The following MTMR2 variants were observed in gnomAD, a reference collection of about 807,000 sequenced individuals.
MTMR2 encodes the protein phosphatidylinositol-3,5-bisphosphate 3-phosphatase MTMR2.
In MTMR2, 55 loss-of-function variants were observed where a neutral mutation model predicts 86.9. That is an observed-to-expected ratio of 0.63 (90% CI 0.51 to 0.79). MTMR2 has a LOEUF of 0.79. Among genes scored for constraint, MTMR2 ranks in the 30% least tolerant of loss-of-function variants. The probability of loss-of-function intolerance (pLI) is 0.00; values close to 1 mark genes in which losing one functional copy is unlikely to be tolerated. For synonymous variants in MTMR2, 241 were observed against 266.8 expected, an observed-to-expected ratio of 0.90 and a Z score of 0.94; for missense variants, 659 against 772.3, an observed-to-expected ratio of 0.85 and a Z score of 1.74.
chr11:95,910,892 A>T (rs1283826712), intron 1 of MTMR2, among the ~76,000 whole-genome samples: 3 of 152,120 alleles, frequency 2.0e-5, no homozygotes, highest in East Asian at 1.9e-4. Flanking sequence ...TAAAAAAAAT[A>T]ATAAAAGGCC....
intron 1 of MTMR2, among the ~76,000 whole-genome samples, chr11:95,913,490 T>C (rs936536661): frequency 2.0e-5 from 3 of 152,176 alleles, no homozygotes; most frequent in African/African-American, 7.2e-5. Context: ...TGCCGATTCC[T>C]AACGTCACCT....
rs540837665 is a variant in MTMR2 at position 95,922,465 on chromosome 11, C to G, written c.80+1410G>C. 3.8e-4 allele frequency among the ~76,000 whole-genome samples: 58 copies of G among 151,660 alleles called. 2 individuals carry two copies. The South Asian group carries it at 0.012, about 30-fold the overall frequency. Reference sequence around the variant, plus strand: ...TTTCCAAATTTCAAAGCAATAAATACAGAATTCAAAAAATACTTGATTCAA... The same window carrying G: ...TTTCCAAATTTCAAAGCAATAAATAGAGAATTCAAAAAATACTTGATTCAA... On this transcript the variant is annotated intron_variant, in intron 1 of 14. Transcript: ENST00000346299.
chr11:95,900,532 T>C (rs575176938), intron 1 of MTMR2, among the ~76,000 whole-genome samples: 3 of 152,330 alleles, frequency 2.0e-5, no homozygotes, highest in Admixed American at 6.5e-5. Context: ...ATGAAAAAGT[T>C]AAGGTATGGA....
chr11:95,873,432 T>C (rs12281081), intron 2 of MTMR2, among the ~76,000 whole-genome samples: 305 of 152,338 alleles, frequency 2.0e-3, no homozygotes, highest in African/African-American at 7.1e-3. Flanking sequence ...TAGTTTGTAT[T>C]TCTGTGGGAT....
At chr11:95,853,543 C>T (rs1864100624) in intron 7 of MTMR2, among the ~76,000 whole-genome samples, 1 of 152,168 alleles carries the variant, frequency 6.6e-6, no homozygotes, top group South Asian at 2.1e-4. Context: ...CTGCTTTCTC[C>T]AGATCTCTCC....
At chr11:95,872,544 T>A (rs1390035902) in intron 2 of MTMR2, among the ~76,000 whole-genome samples, 1 of 152,204 alleles carries the variant, frequency 6.6e-6, no homozygotes, top group Non-Finnish European at 1.5e-5. Context: ...AGATATACAA[T>A]CATGTCATCT....
intron 2 of MTMR2, among the ~76,000 whole-genome samples, chr11:95,867,168 A>G (rs1418081026): frequency 1.3e-5 from 2 of 152,220 alleles, no homozygotes; most frequent in Non-Finnish European, 2.9e-5. Context: ...GAAAGATTAT[A>G]GAAAGGAAGA....
chr11:95,851,435 C>CT (rs1434365566), intron 7 of MTMR2, among the ~76,000 whole-genome samples: 2 of 152,066 alleles, frequency 1.3e-5, no homozygotes, highest in African/African-American at 2.4e-5. Flanking sequence ...GCGATCTTGG[C>CT]TACTGCAACC....
chr11:95,882,808 C>T lies in MTMR2; in HGVS notation c.186+5348G>A, dbSNP rs562630730. Reference sequence around the variant, plus strand: ...CACGATCTTGGCTCACTGCCAGCTCCGCCTCCCGGGTTCACGCCATTTTCC... The same window carrying T: ...CACGATCTTGGCTCACTGCCAGCTCTGCCTCCCGGGTTCACGCCATTTTCC... On this transcript the variant is annotated intron_variant, in intron 2 of 14. Coordinates refer to ENST00000346299, the MANE Select transcript of MTMR2 (RefSeq NM_016156.6). 5.8e-4 allele frequency among the ~76,000 whole-genome samples: 87 copies of T among 149,928 alleles called. 2 individuals carry two copies. The highest frequency in any genetic ancestry group is 4.6e-3 in the Admixed American group (70 of 15,120).
At chr11:95,912,570 T>C (rs1866550834) in intron 1 of MTMR2, among the ~76,000 whole-genome samples, 1 of 151,750 alleles carries the variant, frequency 6.6e-6, no homozygotes, top group South Asian at 2.1e-4. Context: ...GATAACGAGA[T>C]TTACTCATAT....
intron 12 of MTMR2, among the ~76,000 whole-genome samples, chr11:95,838,574 CA>C (rs1341138192): frequency 5.3e-5 from 8 of 151,848 alleles, no homozygotes; most frequent in Admixed American, 4.6e-4. Context: ...CACAAAATGC[CA>C]ATAATGTCTC....
At chr11:95,857,401 C>T in intron 7 of MTMR2, 151 bp downstream of exon 7, 1 of 665,904 alleles carries the variant, frequency 1.5e-6, no homozygotes, top group Non-Finnish European at 2.7e-6. Flanking sequence ...TATACTAAAA[C>T]AGATTTCAAG....
rs372626969 is a variant in MTMR2 at position 95,896,372 on chromosome 11, A to G, written c.81-8111T>C. 3.3e-5 allele frequency among the ~76,000 whole-genome samples: 5 copies of G among 151,434 alleles called. No individual in the cohort carries two copies. In the East Asian group the frequency reaches 5.8e-4, roughly 18 times the overall value. Reference sequence around the variant, plus strand: ...CCTCTGTCACCCAGGCTGGAGTGCAACAGTGCAATCATAGCTCTGTGCAGC... The same window carrying G: ...CCTCTGTCACCCAGGCTGGAGTGCAGCAGTGCAATCATAGCTCTGTGCAGC... On this transcript the variant is annotated intron_variant, in intron 1 of 14. Coordinates refer to ENST00000346299, the MANE Select transcript of MTMR2 (RefSeq NM_016156.6).
intron 2 of MTMR2, among the ~76,000 whole-genome samples, chr11:95,878,385 C>T (rs1020611432): frequency 1.8e-4 from 28 of 151,658 alleles, no homozygotes; most frequent in Admixed American, 2.0e-4. Flanking sequence ...ACCATACCTT[C>T]GTCAAAACCC....
intron 7 of MTMR2, among the ~76,000 whole-genome samples, chr11:95,856,679 T>G (rs1175639603): frequency 6.6e-6 from 1 of 152,196 alleles, no homozygotes; most frequent in African/African-American, 2.4e-5. Context: ...TGGGTATAGT[T>G]GTTCATTTAC....
chr11:95,889,816 G>T (rs1232533333), intron 1 of MTMR2, among the ~76,000 whole-genome samples: 1 of 152,092 alleles, frequency 6.6e-6, no homozygotes, highest in Non-Finnish European at 1.5e-5. Flanking sequence ...ATTATTTAAG[G>T]TAAGATCAAT....
At chr11:95,851,807 ATATAT>A (rs1864032864) in intron 7 of MTMR2, among the ~76,000 whole-genome samples, 1 of 152,236 alleles carries the variant, frequency 6.6e-6, no homozygotes, top group African/African-American at 2.4e-5. Context: ...CTAATCTAAA[ATATAT>A]TAGAAAAGTA....
At position 95,835,765 on chromosome 11, in the gene MTMR2, T is replaced by A. The variant is rs1863243640; in HGVS notation, c.1771-314A>T. Among the ~76,000 whole-genome samples the A allele has an allele frequency of 2.0e-5, 3 of 152,148 alleles. No homozygotes were observed. In the South Asian group the frequency reaches 6.2e-4, roughly 32 times the overall value. ...CAGAAGATTCCCTGTTATTTATAGG[T>A]TTTTAGTCTTAAACAGTTCTAAGTA... On this transcript the variant is annotated intron_variant, in intron 14 of 14. Coordinates refer to ENST00000346299, the MANE Select transcript of MTMR2 (RefSeq NM_016156.6).
intron 12 of MTMR2, among the ~76,000 whole-genome samples, chr11:95,839,730 G>C (rs1863457656): frequency 6.6e-6 from 1 of 152,116 alleles, no homozygotes; most frequent in Non-Finnish European, 1.5e-5. Flanking sequence ...GTTCTGTTTT[G>C]ACAAATGTGC....
Sources: allele counts gnomAD v4.1 joint callset (sites outside exome capture counted in the v4.1 genomes callset), GRCh38; gene constraint gnomAD v4.1.1; transcripts MANE v1.5; gene names NCBI Gene and HGNC (gene_info 2026-07-23, HGNC 2026-07-21).